SNX29: variants seen among roughly 807,000 people sequenced by gnomAD.
The protein encoded by SNX29 is sorting nexin 29.
SNX29 carries 78 observed loss-of-function variants against 102.1 expected under a neutral mutation model. The observed-to-expected ratio is 0.76, with a 90% confidence interval of 0.64 to 0.92. The LOEUF is 0.92. SNX29 is among the 40% of genes least tolerant of loss of function. SNX29 has a pLI of 0.00. For missense variants in SNX29, 1,280 were observed against 1,061.7 expected, an observed-to-expected ratio of 1.21 and a Z score of -2.86; for synonymous variants, 580 against 414.5, an observed-to-expected ratio of 1.40 and a Z score of -4.85.
At chr16:12,231,668 G>C (rs1226602091) in intron 14 of SNX29, among the ~76,000 whole-genome samples, 2 of 152,228 alleles carry the variant, frequency 1.3e-5, no homozygotes, top group African/African-American at 4.8e-5. Flanking sequence ...AGGCAGAATT[G>C]TTGAATGAAG....
intron 14 of SNX29, among the ~76,000 whole-genome samples, chr16:12,265,357 G>A (rs1396675350): frequency 6.6e-6 from 1 of 152,142 alleles, no homozygotes; most frequent in African/African-American, 2.4e-5. Context: ...GGGGAAGGGT[G>A]TGATAACAGC....
intron 11 of SNX29, among the ~76,000 whole-genome samples, chr16:12,101,683 C>G (rs1461765205): frequency 6.6e-6 from 1 of 152,130 alleles, no homozygotes; most frequent in Non-Finnish European, 1.5e-5. Context: ...TGTGCCTGGC[C>G]TGACCCCCAG....
At chr16:12,087,609 G>T (rs1355894818) in intron 11 of SNX29, 2 of 348,938 alleles carry the variant, frequency 5.7e-6, no homozygotes, top group Non-Finnish European at 1.1e-5. Flanking sequence ...AACATTTAAG[G>T]TAATGATTAG....
intron 14 of SNX29, among the ~76,000 whole-genome samples, chr16:12,265,279 A>G (rs543756971): frequency 6.6e-6 from 1 of 152,304 alleles, no homozygotes; most frequent in South Asian, 2.1e-4. Context: ...GGGGGGAGAA[A>G]CATGAGTCTA....
At chr16:12,014,801 G>T (rs1037231627) in intron 3 of SNX29, among the ~76,000 whole-genome samples, 1 of 151,582 alleles carries the variant, frequency 6.6e-6, no homozygotes, top group Admixed American at 6.6e-5. Flanking sequence ...TTAAAGATAG[G>T]TTATTTTTCC....
chr16:12,014,689 G>C (rs1040501676), intron 3 of SNX29, among the ~76,000 whole-genome samples: 1 of 141,718 alleles, frequency 7.1e-6, no homozygotes, highest in African/African-American at 2.6e-5. Context: ...CCGAGATCAT[G>C]CCATTGTACT....
intron 15 of SNX29, among the ~76,000 whole-genome samples, chr16:12,280,621 C>G (rs1567392399): frequency 6.6e-6 from 1 of 152,182 alleles, no homozygotes; most frequent in African/African-American, 2.4e-5. Flanking sequence ...CCTCAAACGG[C>G]ATTTACTGCA....
intron 19 of SNX29, among the ~76,000 whole-genome samples, chr16:12,506,201 T>TG (rs1412415660): frequency 6.6e-6 from 1 of 152,184 alleles, no homozygotes; most frequent in Non-Finnish European, 1.5e-5. Context: ...CCTCAGGTGA[T>TG]GCGCCTGCCT....
chr16:12,256,462 G>C (rs2142435246), intron 14 of SNX29, among the ~76,000 whole-genome samples: 1 of 152,220 alleles, frequency 6.6e-6, no homozygotes. Context: ...TGAATAGCTG[G>C]AATTACAGGC....
In SNX29 at chr16:12,278,083, G is replaced by C. The variant is rs375347420; in HGVS notation, c.1782+47G>C. On this transcript the variant is annotated intron_variant, in intron 15 of 20. Coordinates refer to ENST00000566228, the MANE Select transcript of SNX29 (RefSeq NM_032167.5). ...TGTCTTTGTTTCTGATGTTGGCTGC[G>C]TTGGAGACTTTCCAGGGTAGGTCCA... The C allele has an allele frequency of 3.3e-6, 5 of 1,517,830 alleles. No individual in the cohort carries two copies. In the Admixed American group the frequency reaches 9.7e-5, roughly 30 times the overall value. 94.0% of individuals were successfully genotyped at this position (1,517,830 alleles called of 1,614,324 possible). A position where few individuals can be genotyped will look rare whatever the true frequency, so the allele number is the denominator to read the frequency against.
chr16:12,563,046 C>A (rs149711251), intron 20 of SNX29, among the ~76,000 whole-genome samples: 1 of 152,112 alleles, frequency 6.6e-6, no homozygotes, highest in Non-Finnish European at 1.5e-5. Context: ...GGGCCAAGGT[C>A]ACCTCGAAAT....
At chr16:12,354,904 G>A (rs144778552) in intron 15 of SNX29, among the ~76,000 whole-genome samples, 363 of 152,288 alleles carry the variant, frequency 2.4e-3, no homozygotes, top group African/African-American at 8.5e-3. Context: ...CATGGTTCTT[G>A]CAGTATCTTT....
intron 18 of SNX29, among the ~76,000 whole-genome samples, chr16:12,446,508 A>G (rs1303779103): frequency 6.6e-6 from 1 of 152,188 alleles, no homozygotes; most frequent in Non-Finnish European, 1.5e-5. Context: ...TTGATCTAGC[A>G]CTCCAAGAGG....
intron 20 of SNX29, among the ~76,000 whole-genome samples, chr16:12,548,978 C>T (rs532359219): frequency 1.3e-5 from 2 of 152,300 alleles, no homozygotes; most frequent in Middle Eastern, 3.4e-3. Flanking sequence ...CAAGTGAGGC[C>T]CCTGCTCTCC....
chr16:12,565,887 C>G (rs765660893), intron 20 of SNX29, among the ~76,000 whole-genome samples: 19 of 151,680 alleles, frequency 1.3e-4, no homozygotes, highest in Admixed American at 5.9e-4. Context: ...AACCTGAGTT[C>G]CCTCTCATTG....
intron 16 of SNX29, among the ~76,000 whole-genome samples, chr16:12,361,305 C>G (rs1023144132): frequency 2.6e-5 from 4 of 152,186 alleles, no homozygotes; most frequent in Non-Finnish European, 4.4e-5. Context: ...GGCAGTGGTC[C>G]CATTTCTTAG....
intron 19 of SNX29, 57 bp downstream of exon 19, chr16:12,477,916 T>G (rs767523100): frequency 9.3e-5 from 142 of 1,521,688 alleles, no homozygotes; most frequent in Middle Eastern, 3.5e-4. Flanking sequence ...ATGGATTATT[T>G]ATTCTTCTTC....
intron 19 of SNX29, among the ~76,000 whole-genome samples, chr16:12,510,530 G>A (rs960956954): frequency 6.6e-6 from 1 of 152,088 alleles, no homozygotes; most frequent in Non-Finnish European, 1.5e-5. Context: ...AAAATTAGCT[G>A]GGCGTTATGG....
intron 13 of SNX29, among the ~76,000 whole-genome samples, chr16:12,193,528 C>G (rs1224448531): frequency 1.3e-5 from 2 of 150,798 alleles, no homozygotes; most frequent in African/African-American, 4.8e-5. Context: ...CTTTTTTCTA[C>G]TCTGGACGAT....
Sources: allele counts gnomAD v4.1 joint callset (sites outside exome capture counted in the v4.1 genomes callset), GRCh38; gene constraint gnomAD v4.1.1; transcripts MANE v1.5; gene names NCBI Gene and HGNC (gene_info 2026-07-23, HGNC 2026-07-21).